COMMD1: variants seen among roughly 807,000 people sequenced by gnomAD.
COMMD1 encodes COMM domain-containing protein 1.
In COMMD1, 10 loss-of-function variants were observed where a neutral mutation model predicts 17.2. The observed-to-expected ratio is 0.58, with a 90% CI of 0.36 to 0.99. The LOEUF is 0.99. Ranked by LOEUF, COMMD1 falls within the 50% of genes least tolerant of loss-of-function variation. COMMD1 has a pLI of 0.01. For missense variants in COMMD1, 270 were observed against 231.8 expected, an observed-to-expected ratio of 1.17 and a Z score of -1.07; for synonymous variants, 97 against 91.6, an observed-to-expected ratio of 1.06 and a Z score of -0.34.
intron 2 of COMMD1, among the ~76,000 whole-genome samples, chr2:62,037,120 T>C (rs746654718): frequency 6.6e-6 from 1 of 152,218 alleles, no homozygotes; most frequent in Non-Finnish European, 1.5e-5. Flanking sequence ...AATAATCCTT[T>C]ATTTTTGCTA....
intron 1 of COMMD1, among the ~76,000 whole-genome samples, chr2:61,893,666 T>C (rs1032923835): frequency 2.0e-5 from 3 of 152,004 alleles, no homozygotes; most frequent in Non-Finnish European, 4.4e-5. Flanking sequence ...ATACAAAAAT[T>C]AGCTGGGCAT....
At chr2:62,030,114 G>A (rs1045377891) in intron 2 of COMMD1, among the ~76,000 whole-genome samples, 1 of 152,214 alleles carries the variant, frequency 6.6e-6, no homozygotes, top group Non-Finnish European at 1.5e-5. Context: ...GATTCTTCTT[G>A]CCCTCTCAGA....
intron 2 of COMMD1, among the ~76,000 whole-genome samples, chr2:62,093,428 G>GGCCC (rs1238465393): frequency 1.3e-5 from 2 of 152,124 alleles, no homozygotes; most frequent in African/African-American, 2.4e-5. Context: ...GTCATTTTGT[G>GGCCC]AATAAACTGA....
At chr2:61,957,554 G>A (rs909158072) in intron 1 of COMMD1, among the ~76,000 whole-genome samples, 1 of 151,936 alleles carries the variant, frequency 6.6e-6, no homozygotes, top group Non-Finnish European at 1.5e-5. Flanking sequence ...AGAAATTAAC[G>A]TTAGCCGTAA....
chr2:62,056,846 ATGACGGAGGCCT>A (rs1282059719), intron 2 of COMMD1, among the ~76,000 whole-genome samples: 5 of 152,204 alleles, frequency 3.3e-5, no homozygotes, highest in Non-Finnish European at 5.9e-5. Flanking sequence ...GACATCACAA[ATGACGGAGGCCT>A]TGAAAGTATG....
At chr2:62,000,165 C>A (rs1276265711) in intron 1 of COMMD1, among the ~76,000 whole-genome samples, 1 of 152,048 alleles carries the variant, frequency 6.6e-6, no homozygotes, top group Non-Finnish European at 1.5e-5. Flanking sequence ...CTCAAGCAAT[C>A]TGCCCACCTC....
intron 1 of COMMD1, among the ~76,000 whole-genome samples, chr2:61,932,284 A>G (rs573252135): frequency 1.2e-4 from 18 of 152,352 alleles, no homozygotes; most frequent in Non-Finnish European, 1.0e-4. Flanking sequence ...ACTTCCATTC[A>G]TGGCATTTCC....
intron 2 of COMMD1, among the ~76,000 whole-genome samples, chr2:62,008,541 G>C (rs974163396): frequency 6.6e-6 from 1 of 152,082 alleles, no homozygotes; most frequent in Non-Finnish European, 1.5e-5. Flanking sequence ...AGCTACCGAG[G>C]GGAACAGATA....
intron 1 of COMMD1, among the ~76,000 whole-genome samples, chr2:61,952,242 G>A (rs1454427706): frequency 7.2e-5 from 11 of 152,122 alleles, no homozygotes; most frequent in African/African-American, 2.4e-4. Context: ...TTCAGGGACC[G>A]AAAACCACTT....
chr2:62,061,292 T>C (rs1212181220), intron 2 of COMMD1, among the ~76,000 whole-genome samples: 1 of 152,168 alleles, frequency 6.6e-6, no homozygotes, highest in Non-Finnish European at 1.5e-5. Context: ...GAATGCTGCA[T>C]TGTAGATATA....
At chr2:61,938,662 C>T (rs920332267) in intron 1 of COMMD1, among the ~76,000 whole-genome samples, 1 of 152,136 alleles carries the variant, frequency 6.6e-6, no homozygotes, top group African/African-American at 2.4e-5. Context: ...CAGTCAGATT[C>T]TTTCTTGTGG....
At chr2:61,922,621 T>C (rs1277205656) in intron 1 of COMMD1, among the ~76,000 whole-genome samples, 1 of 152,156 alleles carries the variant, frequency 6.6e-6, no homozygotes, top group Non-Finnish European at 1.5e-5. Flanking sequence ...CGGCCTAGGA[T>C]TGTGGTAGTT....
chr2:62,033,292 A>G (rs1025506816), intron 2 of COMMD1, among the ~76,000 whole-genome samples: 1 of 152,238 alleles, frequency 6.6e-6, no homozygotes, highest in Non-Finnish European at 1.5e-5. Flanking sequence ...TGAGGAAACC[A>G]TAGTTTTAAG....
chr2:61,907,897 G>A (rs1360887266), intron 1 of COMMD1, among the ~76,000 whole-genome samples: 1 of 152,060 alleles, frequency 6.6e-6, no homozygotes, highest in Non-Finnish European at 1.5e-5. Context: ...CACCATGTTG[G>A]CCAGGCTAGT....
intron 2 of COMMD1, among the ~76,000 whole-genome samples, chr2:62,102,501 A>C (rs1216575088): frequency 1.3e-5 from 2 of 152,164 alleles, no homozygotes; most frequent in Non-Finnish European, 2.9e-5. Flanking sequence ...CTTTTACTTC[A>C]AATTGTAGTT....
chr2:62,056,654 T>C (rs916652487), intron 2 of COMMD1, among the ~76,000 whole-genome samples: 1 of 152,198 alleles, frequency 6.6e-6, no homozygotes, highest in Non-Finnish European at 1.5e-5. Context: ...TTGAGAGGGA[T>C]TGAGCCAAGG....
At chr2:62,108,877 G>A (rs1448435117) in intron 2 of COMMD1, among the ~76,000 whole-genome samples, 1 of 152,162 alleles carries the variant, frequency 6.6e-6, no homozygotes, top group Non-Finnish European at 1.5e-5. Context: ...GTAGTCTTTT[G>A]AAATAGCAAA....
intron 2 of COMMD1, among the ~76,000 whole-genome samples, chr2:62,025,652 G>A (rs569465611): frequency 4.7e-4 from 72 of 152,240 alleles, no homozygotes; most frequent in African/African-American, 1.7e-3. Flanking sequence ...AGTAAAAGAT[G>A]ACTGGGGATA....
chr2:62,116,143 G>T (rs1466482560), intron 2 of COMMD1, among the ~76,000 whole-genome samples: 1 of 151,942 alleles, frequency 6.6e-6, no homozygotes, highest in Non-Finnish European at 1.5e-5. Flanking sequence ...CACTGCACCC[G>T]GCCCTGTTGT....
Sources: allele counts gnomAD v4.1 joint callset (sites outside exome capture counted in the v4.1 genomes callset), GRCh38; gene constraint gnomAD v4.1.1; transcripts MANE v1.5; gene names NCBI Gene and HGNC (gene_info 2026-07-23, HGNC 2026-07-21).